MDGA2: variants seen among roughly 807,000 people sequenced by gnomAD.
MDGA2 encodes the protein MAM domain-containing glycosylphosphatidylinositol anchor protein 2.
MDGA2 carries 40 observed loss-of-function variants against 117.8 expected under a neutral mutation model. The observed-to-expected ratio is 0.34, with a 90% CI of 0.26 to 0.44. MDGA2 has a LOEUF of 0.44. MDGA2 is among the 20% of genes least tolerant of loss of function. MDGA2 has a pLI of 1.00. For synonymous variants in MDGA2, 452 were observed against 439.0 expected (o/e 1.03, Z -0.37); for missense variants, 1,123 against 1,250.6 (o/e 0.90, Z 1.54).
intron 10 of MDGA2, among the ~76,000 whole-genome samples, chr14:46,890,284 A>G (rs908758214): frequency 6.6e-6 from 1 of 152,088 alleles, no homozygotes; most frequent in African/African-American, 2.4e-5. Context: ...TTCTTGTGCC[A>G]TAAGCCTTAG....
chr14:47,544,701 T>C (rs1404701948), intron 1 of MDGA2, among the ~76,000 whole-genome samples: 3 of 152,178 alleles, frequency 2.0e-5, no homozygotes, highest in Admixed American at 2.0e-4. Flanking sequence ...GGACTCTGTC[T>C]TCCCACAAGA....
intron 1 of MDGA2, among the ~76,000 whole-genome samples, chr14:47,654,522 G>C (rs1254411049): frequency 6.6e-6 from 1 of 152,076 alleles, no homozygotes; most frequent in East Asian, 1.9e-4. Flanking sequence ...TAGCTCAAAA[G>C]AGCCACAGGA....
chr14:47,605,813 C>T (rs1239224456), intron 1 of MDGA2, among the ~76,000 whole-genome samples: 2 of 152,102 alleles, frequency 1.3e-5, no homozygotes, highest in East Asian at 1.9e-4. Flanking sequence ...ACGGTATACA[C>T]ATATTTCATA....
chr14:47,660,648 T>A (rs764712276), intron 1 of MDGA2, among the ~76,000 whole-genome samples: 1 of 152,166 alleles, frequency 6.6e-6, no homozygotes, highest in Non-Finnish European at 1.5e-5. Context: ...CGGAGGGAAC[T>A]CAACAAAAAT....
intron 1 of MDGA2, among the ~76,000 whole-genome samples, chr14:47,633,115 T>C (rs1395846316): frequency 1.3e-5 from 2 of 152,208 alleles, no homozygotes; most frequent in Non-Finnish European, 2.9e-5. Context: ...CCTAGAAATG[T>C]TTTTGGTCAG....
intron 1 of MDGA2, among the ~76,000 whole-genome samples, chr14:47,509,827 C>T (rs1417884464): frequency 6.6e-6 from 1 of 152,174 alleles, no homozygotes; most frequent in African/African-American, 2.4e-5. Context: ...TTTAATTTCA[C>T]AGATTCACAG....
chr14:47,603,321 C>T (rs1241017796), intron 1 of MDGA2, among the ~76,000 whole-genome samples: 3 of 152,088 alleles, frequency 2.0e-5, no homozygotes, highest in Non-Finnish European at 4.4e-5. Flanking sequence ...CTTTATTACA[C>T]GAATAGATCA....
intron 10 of MDGA2, among the ~76,000 whole-genome samples, chr14:46,885,493 G>C (rs2933222): frequency 0.65 from 98,576 of 151,930 alleles, 32,448 homozygotes; most frequent in Admixed American, 0.74. Flanking sequence ...AATGAATCAA[G>C]GAAATGGAAA....
At chr14:47,319,202 G>C (rs1250107344) in intron 1 of MDGA2, among the ~76,000 whole-genome samples, 2 of 152,146 alleles carry the variant, frequency 1.3e-5, no homozygotes, top group East Asian at 3.9e-4. Flanking sequence ...ATTCTGGACT[G>C]GAACAGTAGA....
At chr14:47,319,739 T>A (rs909269722) in intron 1 of MDGA2, among the ~76,000 whole-genome samples, 2 of 152,186 alleles carry the variant, frequency 1.3e-5, no homozygotes, top group African/African-American at 2.4e-5. Flanking sequence ...AGGAGAAACA[T>A]ACTTTAAAGA....
chr14:47,410,323 T>G (rs1398583909), intron 1 of MDGA2, among the ~76,000 whole-genome samples: 2 of 152,188 alleles, frequency 1.3e-5, no homozygotes, highest in Non-Finnish European at 2.9e-5. Flanking sequence ...TTTTCTAGTC[T>G]TGGAAAATTT....
chr14:46,957,526 C>A lies in MDGA2; in HGVS notation c.1937G>T (p.Arg646Leu), dbSNP rs1247932741. The A allele has an allele frequency of 1.2e-6, 2 of 1,614,086 alleles. No homozygotes were observed. Among genetic ancestry groups the A allele is most frequent in the Non-Finnish European group, 8.5e-7 (1 of 1,180,000 alleles). Residue 646 changes from arginine (R) to leucine (L), a missense_variant, in exon 9 of 17, where the codon CGC becomes CTC. Arg to Leu is a moderately radical substitution (Grantham distance 102). Around this residue, in one of 2 missense-constraint regions of MDGA2, gnomAD observed 890 missense variants for 1,050.3 expected, o/e 0.85. Coordinates refer to ENST00000399232, the MANE Select transcript of MDGA2 (RefSeq NM_001113498.3). ...CGTCCGTAATAATTTATTGCCCAAGCGCCACTCATAGGTCAGCACCCGTAT... is the reference window on the plus strand; with the variant it reads ...CGTCCGTAATAATTTATTGCCCAAGAGCCACTCATAGGTCAGCACCCGTAT... Reference protein sequence around the residue: ...YPIRVLTYEWRLGNKLLRTGQ... With the variant: ...YPIRVLTYEWLLGNKLLRTGQ...
At chr14:47,066,718 A>G (rs1890096699) in intron 6 of MDGA2, among the ~76,000 whole-genome samples, 1 of 86,964 alleles carries the variant, frequency 1.1e-5, no homozygotes, top group Non-Finnish European at 2.4e-5. Context: ...ATCAGTTGAT[A>G]ATCTGAAGAT....
chr14:47,053,505 T>C (rs1889530106), intron 7 of MDGA2, among the ~76,000 whole-genome samples: 2 of 150,504 alleles, frequency 1.3e-5, no homozygotes, highest in African/African-American at 4.9e-5. Flanking sequence ...CAGTTTGGGA[T>C]CATAGAAGCA....
At position 47,180,235 on chromosome 14, in the gene MDGA2, C is replaced by T. The variant is rs117207139; in HGVS notation, c.596-35961G>A. On this transcript the variant is annotated intron_variant, in intron 3 of 16. Transcript: ENST00000399232. ...ATGTATGTTGTTCCCCTCTAAGCAT[C>T]CATGTGTTCTCATCATTTAGCTCCC... Among the ~76,000 whole-genome samples, 115 of 152,234 alleles carry T rather than the reference C, an allele frequency of 7.6e-4. 2 individuals carry two copies. The East Asian group carries it at 0.016, about 21-fold the overall frequency.
intron 1 of MDGA2, among the ~76,000 whole-genome samples, chr14:47,347,387 G>T (rs1046735749): frequency 2.0e-5 from 3 of 152,164 alleles, no homozygotes; most frequent in Non-Finnish European, 2.9e-5. Flanking sequence ...ATGGATAAAG[G>T]TGATAAATGT....
chr14:47,346,075 C>A (rs1229591039), intron 1 of MDGA2, among the ~76,000 whole-genome samples: 1 of 151,816 alleles, frequency 6.6e-6, no homozygotes, highest in Non-Finnish European at 1.5e-5. Context: ...TTTCTAATAG[C>A]TAGAAGGATG....
intron 1 of MDGA2, among the ~76,000 whole-genome samples, chr14:47,553,779 T>A (rs1895632905): frequency 6.6e-6 from 1 of 152,210 alleles, no homozygotes; most frequent in South Asian, 2.1e-4. Flanking sequence ...ATATATGTTG[T>A]CTTATATTTT....
chr14:47,674,756 C>A lies in MDGA2; in HGVS notation c.41G>T (p.Arg14Leu), dbSNP rs1367011385. 1 of 715,186 alleles carries A rather than the reference C, an allele frequency of 1.4e-6. No homozygotes were observed. The highest frequency in any genetic ancestry group is 2.5e-6 in the Non-Finnish European group (1 of 397,510). The allele number at this position is 715,186 out of a possible 1,614,324, so 44.3% of individuals were successfully genotyped here. A position where few individuals can be genotyped will look rare whatever the true frequency, so the allele number is the denominator to read the frequency against. Residue 14 changes from arginine to leucine, a missense_variant, in exon 1 of 17, where the codon CGC becomes CTC. This residue lies in a region of MDGA2 where 233 missense variants were observed against 200.3 expected (regional missense o/e 1.16). Transcript: ENST00000399232. ...TCCGTCTGTCCTTCCCCGGCGGCGG[C>A]GGCGAGCGGAGCGCAGGAGCCCCGC... ...WSAGLLRSAR[R>L]RRRGRTDGRR...
Sources: gnomAD v4.1 joint callset for allele counts (sites outside exome capture counted in the v4.1 genomes callset) on GRCh38, gnomAD v4.1.1 for gene constraint, gnomAD v4.1.1 regional missense constraint, MANE v1.5 for transcripts, NCBI Gene and HGNC (gene_info 2026-07-23, HGNC 2026-07-21) for gene names.